TEKT5: variants seen among roughly 807,000 people sequenced by gnomAD.
TEKT5 encodes tektin-5.
Under a neutral mutation model 48.7 loss-of-function variants are expected in TEKT5, and 52 were observed. The ratio of observed to expected loss-of-function variants is 1.07; its 90% confidence interval spans 0.86 to 1.35. The LOEUF (loss-of-function observed/expected upper bound fraction) is 1.35. Among genes scored for constraint, TEKT5 ranks in the 40% most tolerant of loss-of-function variants. The pLI is 0.00. For missense variants in TEKT5, 831 were observed against 641.6 expected (o/e 1.30, Z -3.19); for synonymous variants, 318 against 267.6 (o/e 1.19, Z -1.84).
At chr16:10,633,289 AG>A (rs896228707) in intron 6 of TEKT5, among the ~76,000 whole-genome samples, 7 of 152,102 alleles carry the variant, frequency 4.6e-5, no homozygotes, top group Admixed American at 4.6e-4. Flanking sequence ...TGAACCCGGG[AG>A]GTGGAGGTTG....
At chr16:10,658,795 G>A (rs985241013) in intron 5 of TEKT5, among the ~76,000 whole-genome samples, 3 of 151,744 alleles carry the variant, frequency 2.0e-5, no homozygotes, top group African/African-American at 7.3e-5. Context: ...TCAGCTCACT[G>A]CAACCTCTGC....
chr16:10,664,759 C>T (rs1361779405), intron 5 of TEKT5, among the ~76,000 whole-genome samples: 1 of 152,210 alleles, frequency 6.6e-6, no homozygotes, highest in African/African-American at 2.4e-5. Context: ...CCTCAAGACC[C>T]CTTAGTCATA....
intron 5 of TEKT5, among the ~76,000 whole-genome samples, chr16:10,659,473 G>A (rs536022090): frequency 5.3e-5 from 8 of 152,194 alleles, no homozygotes; most frequent in African/African-American, 1.7e-4. Flanking sequence ...TCTGCCTCCC[G>A]AGTTCACACC....
chr16:10,681,949 C>T (rs1170468006), intron 4 of TEKT5, 44 bp downstream of exon 4: 1 of 1,601,660 alleles, frequency 6.2e-7, no homozygotes, highest in East Asian at 2.2e-5. Flanking sequence ...GCCCTCACTC[C>T]AGTTGGACAC....
chr16:10,690,200 TGA>T (rs1162774239), intron 1 of TEKT5, 175 bp from the exon 2 acceptor site: 1 of 634,258 alleles, frequency 1.6e-6, no homozygotes, highest in Non-Finnish European at 2.7e-6. Flanking sequence ...TCTCCCCGGA[TGA>T]GAGCTGTGGG....
intron 5 of TEKT5, among the ~76,000 whole-genome samples, chr16:10,662,829 T>C (rs1317249125): frequency 6.6e-6 from 1 of 152,208 alleles, no homozygotes; most frequent in Non-Finnish European, 1.5e-5. Context: ...AGTTTCCTCA[T>C]CTGTAAAACA....
At chr16:10,650,478 C>T (rs1898137116) in intron 5 of TEKT5, among the ~76,000 whole-genome samples, 2 of 152,080 alleles carry the variant, frequency 1.3e-5, no homozygotes, top group Admixed American at 1.3e-4. Flanking sequence ...TGACTCACAC[C>T]CAAGGCAAAT....
At chr16:10,657,145 G>C (rs1437902986) in intron 5 of TEKT5, among the ~76,000 whole-genome samples, 1 of 140,664 alleles carries the variant, frequency 7.1e-6, no homozygotes, top group African/African-American at 2.7e-5. Context: ...TTTTTTTTGA[G>C]ACAGAGTTTC....
chr16:10,630,045 C>CCAGCCT (rs1476912183), intron 6 of TEKT5, among the ~76,000 whole-genome samples: 3 of 152,236 alleles, frequency 2.0e-5, no homozygotes, highest in African/African-American at 7.2e-5. Flanking sequence ...AAGCGTTCCT[C>CCAGCCT]CAGCCTCAGC....
chr16:10,664,398 G>T (rs1898425179), intron 5 of TEKT5, among the ~76,000 whole-genome samples: 1 of 152,248 alleles, frequency 6.6e-6, no homozygotes, highest in Non-Finnish European at 1.5e-5. Flanking sequence ...GATTCAGTGG[G>T]TCCTGGATGG....
chr16:10,694,266 TCCCCA>T, intron 1 of TEKT5, 39 bp downstream of exon 1: 1 of 1,506,122 alleles, frequency 6.6e-7, no homozygotes, highest in South Asian at 1.3e-5. Flanking sequence ...GCGTGCAGTA[TCCCCA>T]GGACACAGCC....
chr16:10,689,214 C>T (rs1411919055), intron 3 of TEKT5, 39 bp downstream of exon 3: 31 of 1,557,480 alleles, frequency 2.0e-5, no homozygotes, highest in Non-Finnish European at 2.5e-5. Context: ...CTAAAACAAA[C>T]CCCAAGGAGA....
chr16:10,627,780 T>G lies in TEKT5; in HGVS notation c.1261A>C (p.Thr421Pro), dbSNP rs1161663250. The G allele has an allele frequency of 1.2e-6, 2 of 1,614,158 alleles. No individual in the cohort carries two copies. Among genetic ancestry groups the G allele is most frequent in the Non-Finnish European group, 1.7e-6 (2 of 1,180,022 alleles). ...AGGGTCTGCAGGGTGTCGTCGATGG[T>G]GAACACCTCGTTCACCAGCCTGGGG... ...PQLKLVNEVF[T>P]IDDTLQTLKL... The change falls in exon 7 of 7, where the codon ACC becomes CCC. Residue 421 changes from threonine (T) to proline (P), a missense_variant. Physicochemically the swap from Thr to Pro is conservative, Grantham distance 38. Transcript: ENST00000283025.
intron 5 of TEKT5, among the ~76,000 whole-genome samples, chr16:10,637,234 C>T (rs1479989255): frequency 6.6e-6 from 1 of 151,556 alleles, no homozygotes; most frequent in Non-Finnish European, 1.5e-5. Context: ...TGGGGTTTCG[C>T]CATGTTGGCC....
At chr16:10,651,726 G>A (rs190596447) in intron 5 of TEKT5, among the ~76,000 whole-genome samples, 5 of 152,272 alleles carry the variant, frequency 3.3e-5, no homozygotes, top group South Asian at 2.1e-4. Context: ...TTGGGAGGCC[G>A]AGGTGGGAGG....
chr16:10,652,494 A>ACC lies in TEKT5; in HGVS notation c.1087-16578_1087-16577dup, dbSNP rs1555465665. ...CACACACACACACACACACACACAC[A>ACC]CCCTCCAGGCCAGGTAGAGCGATCC... On this transcript the variant is annotated intron_variant, in intron 5 of 6. Coordinates refer to ENST00000283025, the MANE Select transcript of TEKT5 (RefSeq NM_144674.2). Among the ~76,000 whole-genome samples, 114 of 73,008 alleles carry ACC rather than the reference A, an allele frequency of 1.6e-3. 1 individual carries two copies. Among genetic ancestry groups the ACC allele is most frequent in the Middle Eastern group, 9.8e-3 (1 of 102 alleles). 47.9% of individuals were successfully genotyped at this position (73,008 alleles called of 152,430 possible).
intron 5 of TEKT5, among the ~76,000 whole-genome samples, chr16:10,640,136 C>T (rs1897974149): frequency 7.5e-6 from 1 of 133,432 alleles, no homozygotes; most frequent in East Asian, 2.6e-4. Flanking sequence ...CCTTCCTCCT[C>T]CCCCTTTCTT....
intron 2 of TEKT5, among the ~76,000 whole-genome samples, 177 bp from the exon 3 acceptor site, chr16:10,689,500 G>A (rs1399957745): frequency 6.7e-6 from 1 of 148,910 alleles, no homozygotes; most frequent in Non-Finnish European, 1.5e-5. Context: ...GGCAGCTAAG[G>A]GTTGATTGTG....
At chr16:10,652,762 G>A (rs1403862830) in intron 5 of TEKT5, among the ~76,000 whole-genome samples, 7 of 5,788 alleles carry the variant, frequency 1.2e-3, no homozygotes, top group Admixed American at 2.0e-3. Context: ...ATATACACAG[G>A]CAAACACACA....
Sources: gnomAD v4.1 joint callset for allele counts (sites outside exome capture counted in the v4.1 genomes callset) on GRCh38, gnomAD v4.1.1 for gene constraint, MANE v1.5 for transcripts, NCBI Gene and HGNC (gene_info 2026-07-23, HGNC 2026-07-21) for gene names.